The following PLCXD3 variants were observed in gnomAD, a reference collection of about 807,000 sequenced individuals.
PLCXD3 encodes the protein phosphatidylinositol specific phospholipase C X domain containing 3, also known as PI-PLC X domain-containing protein 3.
Under a neutral mutation model 25.5 loss-of-function variants are expected in PLCXD3, and 19 were observed. The observed-to-expected ratio is 0.75, with a 90% CI of 0.52 to 1.09. The LOEUF is 1.09. Ranked by LOEUF, PLCXD3 falls within the 50% of genes least tolerant of loss-of-function variation. The pLI, the probability that PLCXD3 is intolerant of heterozygous loss-of-function variation, is 0.00. For synonymous variants in PLCXD3, 174 were observed against 137.6 expected, an observed-to-expected ratio of 1.26 and a Z score of -1.85; for missense variants, 411 against 388.1, an observed-to-expected ratio of 1.06 and a Z score of -0.50.
rs557655934 is a variant in PLCXD3 at position 41,311,585 on chromosome 5, G to A, written c.*2032C>T. On this transcript the variant is annotated 3_prime_UTR_variant, in exon 3 of 3. Coordinates refer to ENST00000377801, the MANE Select transcript of PLCXD3 (RefSeq NM_001005473.3). ...TATGCTATCACAGGAATGGGCATAT[G>A]TTTGTATATTGTATATGGCAAGATG... 2 of 152,062 alleles carry A rather than the reference G, an allele frequency of 1.3e-5. No homozygotes were observed. The highest frequency in any genetic ancestry group is 2.9e-5 in the Non-Finnish European group (2 of 67,990). 9.4% of individuals were successfully genotyped at this position (152,062 alleles called of 1,614,324 possible).
intron 2 of PLCXD3, among the ~76,000 whole-genome samples, chr5:41,350,037 G>A (rs930519979): frequency 6.6e-6 from 1 of 151,824 alleles, no homozygotes; most frequent in East Asian, 1.9e-4. Flanking sequence ...GGATGACTCC[G>A]CAATGGGTGA....
intron 2 of PLCXD3, among the ~76,000 whole-genome samples, chr5:41,330,365 C>T (rs1055418768): frequency 9.2e-5 from 14 of 152,062 alleles, no homozygotes; most frequent in East Asian, 1.9e-4. Context: ...ATAAATTCCT[C>T]GACACATACG....
intron 1 of PLCXD3, among the ~76,000 whole-genome samples, chr5:41,447,948 A>G (rs1747541458): frequency 6.6e-6 from 1 of 152,228 alleles, no homozygotes; most frequent in Admixed American, 6.5e-5. Context: ...TTGTTGGCTG[A>G]CATGCAATAT....
In PLCXD3 at chr5:41,472,869, G is replaced by A. The variant is rs184018895; in HGVS notation, c.103+37555C>T. On this transcript the variant is annotated intron_variant, in intron 1 of 2. Coordinates refer to ENST00000377801, the MANE Select transcript of PLCXD3 (RefSeq NM_001005473.3). ...TAAGTTATAGCTCCAATGTAAAAAA[G>A]ATAACTGTTTTACCTCATATAAGGA... 7.0e-3 allele frequency among the ~76,000 whole-genome samples: 1,061 copies of A among 152,168 alleles called. 14 individuals are homozygous for A. Among genetic ancestry groups the A allele is most frequent in the African/African-American group, 0.024 (994 of 41,518 alleles).
intron 1 of PLCXD3, among the ~76,000 whole-genome samples, chr5:41,395,694 T>C (rs987882728): frequency 2.0e-5 from 3 of 152,000 alleles, no homozygotes; most frequent in Non-Finnish European, 4.4e-5. Context: ...GCCAATAAAT[T>C]GGAAAATATA....
At chr5:41,347,527 C>T (rs546305676) in intron 2 of PLCXD3, among the ~76,000 whole-genome samples, 79 of 152,294 alleles carry the variant, frequency 5.2e-4, no homozygotes, top group African/African-American at 1.8e-3. Context: ...ATCTTTCTCA[C>T]TTAATTTTGG....
chr5:41,473,097 A>G (rs1003125285), intron 1 of PLCXD3, among the ~76,000 whole-genome samples: 1 of 152,194 alleles, frequency 6.6e-6, no homozygotes, highest in Non-Finnish European at 1.5e-5. Flanking sequence ...GCCTAAAAAA[A>G]TCTGCAAGTA....
intron 1 of PLCXD3, among the ~76,000 whole-genome samples, chr5:41,426,885 TAATC>T (rs1197439772): frequency 6.6e-6 from 1 of 152,146 alleles, no homozygotes; most frequent in Non-Finnish European, 1.5e-5. Flanking sequence ...CATTTAATAA[TAATC>T]TATCTAAATA....
intron 1 of PLCXD3, among the ~76,000 whole-genome samples, chr5:41,384,786 T>C (rs907228094): frequency 1.3e-5 from 2 of 152,052 alleles, no homozygotes; most frequent in South Asian, 2.1e-4. Context: ...TTGATCTTCA[T>C]GGAAAGTAGC....
chr5:41,410,732 G>T (rs1267164524), intron 1 of PLCXD3, among the ~76,000 whole-genome samples: 1 of 152,170 alleles, frequency 6.6e-6, no homozygotes, highest in African/African-American at 2.4e-5. Context: ...AACAGCAGCG[G>T]TTGAAAGAGA....
At chr5:41,422,340 G>A (rs1431880524) in intron 1 of PLCXD3, among the ~76,000 whole-genome samples, 1 of 152,182 alleles carries the variant, frequency 6.6e-6, no homozygotes, top group East Asian at 1.9e-4. Context: ...GGACTTGGCA[G>A]CAATATGAAC....
In PLCXD3 at chr5:41,313,608, G is replaced by A; in HGVS notation, c.*9C>T. On this transcript the variant is annotated 3_prime_UTR_variant, in exon 3 of 3. Transcript: ENST00000377801. ...TCCATCTTATTCATGGAAACTCCAA[G>A]TAGTGCTATCAAGTGTTGGCTTCTC... 6.2e-7 allele frequency: 1 copy of A among 1,613,650 alleles called. No individual in the cohort carries two copies. The highest frequency in any genetic ancestry group is 8.5e-7 in the Non-Finnish European group (1 of 1,179,640).
chr5:41,481,871 G>T (rs1177151680), intron 1 of PLCXD3, among the ~76,000 whole-genome samples: 2 of 152,114 alleles, frequency 1.3e-5, no homozygotes, highest in Non-Finnish European at 2.9e-5. Context: ...ATTAGGTCAG[G>T]CCTTCATCTG....
chr5:41,443,625 AAAG>A (rs1423978629), intron 1 of PLCXD3, among the ~76,000 whole-genome samples: 1 of 152,202 alleles, frequency 6.6e-6, no homozygotes, highest in Non-Finnish European at 1.5e-5. Context: ...TGGAGGGTGA[AAAG>A]AAGGAGAGAC....
At chr5:41,449,890 T>C (rs929920524) in intron 1 of PLCXD3, among the ~76,000 whole-genome samples, 4 of 152,132 alleles carry the variant, frequency 2.6e-5, no homozygotes, top group Admixed American at 6.6e-5. Flanking sequence ...TGCTATATCT[T>C]AAAGCATAAA....
intron 2 of PLCXD3, among the ~76,000 whole-genome samples, chr5:41,372,695 C>T (rs1745139575): frequency 6.6e-6 from 1 of 151,974 alleles, no homozygotes. Flanking sequence ...TTGAGCCCCG[C>T]CACCAACTGA....
chr5:41,317,388 G>C (rs1231823212), intron 2 of PLCXD3, among the ~76,000 whole-genome samples: 1 of 152,146 alleles, frequency 6.6e-6, no homozygotes, highest in Non-Finnish European at 1.5e-5. Flanking sequence ...CCCTGAGAAG[G>C]ATGGCTACAA....
At chr5:41,429,988 A>G (rs564600541) in intron 1 of PLCXD3, among the ~76,000 whole-genome samples, 1 of 152,298 alleles carries the variant, frequency 6.6e-6, no homozygotes, top group South Asian at 2.1e-4. Context: ...GCAAATGCCA[A>G]AGATGAAGCC....
intron 2 of PLCXD3, among the ~76,000 whole-genome samples, chr5:41,374,053 T>C (rs2150489862): frequency 6.6e-6 from 1 of 152,130 alleles, no homozygotes; most frequent in South Asian, 2.1e-4. Context: ...GTAGCTTAGA[T>C]TTAAGGAAGA....
Sources: gnomAD v4.1 joint callset for allele counts (sites outside exome capture counted in the v4.1 genomes callset) on GRCh38, gnomAD v4.1.1 for gene constraint, MANE v1.5 for transcripts, NCBI Gene and HGNC (gene_info 2026-07-23, HGNC 2026-07-21) for gene names.